Variants in RHOBTB2 observed in about 807,000 individuals in gnomAD.
RHOBTB2 encodes rho-related BTB domain-containing protein 2.
Under a neutral mutation model 66.5 loss-of-function variants are expected in RHOBTB2, and 39 were observed. That is an observed-to-expected ratio of 0.59 (90% CI 0.45 to 0.77). The LOEUF (loss-of-function observed/expected upper bound fraction) is 0.77, where lower values mean the gene tolerates loss of function less well. RHOBTB2 is among the 30% of genes least tolerant of loss of function. The pLI is 0.00. For missense variants in RHOBTB2, 755 were observed against 999.1 expected (o/e 0.76, Z 3.29); for synonymous variants, 390 against 395.0 (o/e 0.99, Z 0.15).
chr8:23,008,132 G>A (rs73559727), intron 6 of RHOBTB2, 21 bp downstream of exon 6: 38 of 1,518,028 alleles, frequency 2.5e-5, no homozygotes, highest in African/African-American at 1.7e-4. Flanking sequence ...GGACACAAAG[G>A]GGGGAAGGAG....
rs1810963967 is a variant in RHOBTB2 at position 23,006,802 on chromosome 8, A to G, written c.557A>G (p.Tyr186Cys). ...EVAKELGIPY[Y>C]ETSVVAQFGI... is the part of the protein sequence containing the mutation. ...GCCAAGGAGCTGGGCATCCCCTACTATGAGACCAGCGTGGTGGCCCAGTTC... is the reference window on the plus strand; with the variant it reads ...GCCAAGGAGCTGGGCATCCCCTACTGTGAGACCAGCGTGGTGGCCCAGTTC... Residue 186 changes from tyrosine (Y) to cysteine (C), a missense_variant, in exon 5 of 10, where the codon TAT (tyrosine) becomes TGT (cysteine). Around this residue, in one of 7 missense-constraint regions of RHOBTB2, gnomAD observed 35 missense variants for 38.1 expected, o/e 0.92. Coordinates refer to ENST00000251822, the MANE Select transcript of RHOBTB2 (RefSeq NM_015178.3). This position sits in a 1 kb window ranked among gnomAD's most constrained non-coding sequence, Gnocchi z 6.1. 1 of 1,614,054 alleles carries G rather than the reference A, an allele frequency of 6.2e-7. No homozygotes were observed. The highest frequency in any genetic ancestry group is 8.5e-7 in the Non-Finnish European group (1 of 1,179,992).
At chr8:23,014,811 C>A in intron 8 of RHOBTB2, 33 bp downstream of exon 8, 1 of 1,542,668 alleles carries the variant, frequency 6.5e-7, no homozygotes, top group Non-Finnish European at 9.0e-7. Context: ...CTACAACAGT[C>A]TCAGTTCTAC....
At chr8:22,962,179 CAAAAAAAAAAAAAAAAAAAAAAA>C in the RHOBTB2 span, among the ~76,000 whole-genome samples, 20 of 13,846 alleles carry the variant, frequency 1.4e-3, no homozygotes, top group Admixed American at 1.4e-3. Flanking sequence ...AACGAATTTA[CAAAAAAAAAAAAAAAAAAAAAAA>C]AAAAAAAAAA....
Position 23,007,279 on chromosome 8 carries a change from T to G in RHOBTB2, c.1034T>G (p.Phe345Cys), listed in dbSNP as rs1417655475. The G allele has an allele frequency of 1.2e-6, 2 of 1,613,424 alleles. No homozygotes were observed. The highest frequency in any genetic ancestry group is 1.7e-6 in the Non-Finnish European group (2 of 1,179,984). ...GRDFLLRAAS[F>C]DVCESVDEAG... ...GACTTCCTGCTCCGAGCAGCCAGCTTTGACGTGTGCGAGAGCGTGGATGAG... is the reference window on the plus strand; with the variant it reads ...GACTTCCTGCTCCGAGCAGCCAGCTGTGACGTGTGCGAGAGCGTGGATGAG... The change falls in exon 5 of 10, where the codon TTT becomes TGT. Residue 345 changes from phenylalanine to cysteine, a missense_variant. Phe to Cys is a radical substitution (Grantham distance 205, BLOSUM62 -2). Coordinates refer to ENST00000251822, the MANE Select transcript of RHOBTB2 (RefSeq NM_015178.3).
chr8:22,995,222 C>T (rs1206366450), upstream of RHOBTB2, among the ~76,000 whole-genome samples: 1 of 152,148 alleles, frequency 6.6e-6, no homozygotes, highest in African/African-American at 2.4e-5. Flanking sequence ...CATAAGCCAC[C>T]ACACCCGGCC....
chr8:22,963,174 G>A, the RHOBTB2 span, among the ~76,000 whole-genome samples: 2 of 152,210 alleles, frequency 1.3e-5, no homozygotes, highest in Non-Finnish European at 2.9e-5. Context: ...CTAGAAAGAT[G>A]AGAAAGCCTC....
the RHOBTB2 span, among the ~76,000 whole-genome samples, chr8:22,968,111 A>C: frequency 6.6e-6 from 1 of 152,042 alleles, no homozygotes; most frequent in South Asian, 2.1e-4. Flanking sequence ...GCTATGATCA[A>C]ACCACTGTAC....
the RHOBTB2 span, among the ~76,000 whole-genome samples, chr8:22,960,238 C>T: frequency 2.3e-3 from 343 of 151,594 alleles, 2 homozygotes; most frequent in Middle Eastern, 0.01. Context: ...AGTTGAAATG[C>T]TTTTATAAAA....
At chr8:22,980,692 T>A in the RHOBTB2 span, among the ~76,000 whole-genome samples, 1 of 152,212 alleles carries the variant, frequency 6.6e-6, no homozygotes, top group Non-Finnish European at 1.5e-5. Context: ...GTCTTCAAAG[T>A]GAAATTCTGA....
chr8:22,951,242 C>A, the RHOBTB2 span, among the ~76,000 whole-genome samples: 3 of 128,814 alleles, frequency 2.3e-5, no homozygotes, highest in Non-Finnish European at 4.7e-5. Flanking sequence ...TTCTACTTAG[C>A]TCTTTTTTTT....
In RHOBTB2 at chr8:23,004,165, G is replaced by A. The variant is rs192289706; in HGVS notation, c.-10-260G>A. On this transcript the variant is annotated intron_variant, in intron 1 of 9. Transcript: ENST00000251822. This position sits in a 1 kb window ranked among gnomAD's most constrained non-coding sequence, Gnocchi z 6.4. ...TCGCGTAGGTCTCCTTCATCCAGAC[G>A]CACAGCTGGAGGATCGTGGGAGCAG... The A allele has an allele frequency of 2.2e-5, 11 of 507,838 alleles. No individual in the cohort carries two copies. Among genetic ancestry groups the A allele is most frequent in the East Asian group, 1.1e-4 (3 of 27,452 alleles). The allele number at this position is 507,838 out of a possible 1,614,324, so 31.5% of individuals were successfully genotyped here. A position where few individuals can be genotyped will look rare whatever the true frequency, so the allele number is the denominator to read the frequency against.
intron 9 of RHOBTB2, among the ~76,000 whole-genome samples, chr8:23,016,134 C>G (rs1393711005): frequency 6.6e-6 from 1 of 152,182 alleles, no homozygotes; most frequent in Non-Finnish European, 1.5e-5. Flanking sequence ...TGGGTACAGG[C>G]CACAGCTTGG....
In RHOBTB2 at chr8:22,999,605, TC is replaced by T; in HGVS notation, c.-508del. ...TTTTTTTCTCCTCCTTTTTTTACCC[TC>T]CCGTTTTTTTCTTTTCTTTTTTTTT... On this transcript the variant is annotated 5_prime_UTR_variant, in exon 1 of 10. Coordinates refer to ENST00000251822, the MANE Select transcript of RHOBTB2 (RefSeq NM_015178.3). 1 of 1,225,954 alleles carries T rather than the reference TC, an allele frequency of 8.2e-7. No individual in the cohort carries two copies. Among genetic ancestry groups the T allele is most frequent in the Non-Finnish European group, 1.0e-6 (1 of 965,570 alleles). 75.9% of individuals were successfully genotyped at this position (1,225,954 alleles called of 1,614,324 possible).
chr8:23,008,470 C>T lies in RHOBTB2; in HGVS notation c.1620+359C>T, dbSNP rs78366651. Among the ~76,000 whole-genome samples the T allele has an allele frequency of 6.3e-3, 955 of 152,294 alleles. 8 individuals carry two copies. Among genetic ancestry groups the T allele is most frequent in the Non-Finnish European group, 0.01 (684 of 68,028 alleles). On this transcript the variant is annotated intron_variant, in intron 6 of 9. Coordinates refer to ENST00000251822, the MANE Select transcript of RHOBTB2 (RefSeq NM_015178.3). ...GTAGAGTTAGGACTTGAACTCAGGA[C>T]TTCCATTCCTTGGCTCTTTACTTTG...
chr8:23,010,876 G>A (rs538188393), intron 7 of RHOBTB2, among the ~76,000 whole-genome samples, 188 bp downstream of exon 7: 2 of 152,306 alleles, frequency 1.3e-5, no homozygotes, highest in East Asian at 1.9e-4. Context: ...AGGGTGGTGC[G>A]GGGCATGTTT....
chr8:23,007,220 A>C lies in RHOBTB2; in HGVS notation c.975A>C (p.Gln325His), dbSNP rs947987293. Residue 325 changes from glutamine to histidine, a missense_variant, in exon 5 of 10, where the codon CAA becomes CAC. By Grantham distance (24) the Gln-to-His change is conservative. Around this residue, in one of 7 missense-constraint regions of RHOBTB2, gnomAD observed 247 missense variants for 238.9 expected, o/e 1.03. Coordinates refer to ENST00000251822, the MANE Select transcript of RHOBTB2 (RefSeq NM_015178.3). ...HPEDHQGHSD[Q>H]HHHHHHHHHG... ...AGGACCACCAGGGCCACTCTGATCA[A>C]CACCACCACCATCACCACCACCACC... 5.0e-6 allele frequency: 8 copies of C among 1,608,220 alleles called. No individual in the cohort carries two copies. Among genetic ancestry groups the C allele is most frequent in the African/African-American group, 1.3e-5 (1 of 74,876 alleles).
upstream of RHOBTB2, among the ~76,000 whole-genome samples, chr8:22,986,071 G>A (rs1035347368): frequency 6.6e-6 from 1 of 152,094 alleles, no homozygotes; most frequent in Non-Finnish European, 1.5e-5. Context: ...GGAGAACCAG[G>A]GGGCCTCTGC....
At chr8:22,997,261 TG>T (rs1810597999), upstream of RHOBTB2, among the ~76,000 whole-genome samples, 1 of 12,086 alleles carries the variant, frequency 8.3e-5, no homozygotes. Flanking sequence ...GGAGGAACTC[TG>T]ATGATAAGAG....
At chr8:22,996,061 A>T (rs796786228), upstream of RHOBTB2, among the ~76,000 whole-genome samples, 3 of 152,222 alleles carry the variant, frequency 2.0e-5, no homozygotes, top group African/African-American at 7.2e-5. Flanking sequence ...CGCTTTGCTA[A>T]GAGCCAGGAT....
Sources: allele counts gnomAD v4.1 joint callset (sites outside exome capture counted in the v4.1 genomes callset), GRCh38; gene constraint gnomAD v4.1.1; regional missense constraint gnomAD v4.1.1; non-coding constraint Gnocchi (gnomAD v3.1); transcripts MANE v1.5; gene names NCBI Gene and HGNC (gene_info 2026-07-23, HGNC 2026-07-21).